The following SLC5A10 variants were observed in gnomAD, a reference collection of about 807,000 sequenced individuals.
The protein encoded by SLC5A10 is solute carrier family 5 member 10, also known as sodium/mannose cotransporter SLC5A10.
Under a neutral mutation model 68.9 loss-of-function variants are expected in SLC5A10, and 55 were observed. That is an observed-to-expected ratio of 0.80 (90% CI 0.64 to 1.00). The LOEUF (loss-of-function observed/expected upper bound fraction) is 1.00, where lower values mean the gene tolerates loss of function less well. Among genes scored for constraint, SLC5A10 ranks in the 50% least tolerant of loss-of-function variants. SLC5A10 has a pLI of 0.00. For missense variants in SLC5A10, 732 were observed against 819.3 expected, an observed-to-expected ratio of 0.89 and a Z score of 1.30; for synonymous variants, 344 against 344.8, an observed-to-expected ratio of 1.00 and a Z score of 0.02.
chr17:18,973,807 C>G (rs573069302), intron 8 of SLC5A10, among the ~76,000 whole-genome samples: 3 of 152,166 alleles, frequency 2.0e-5, no homozygotes, highest in Non-Finnish European at 2.9e-5. Flanking sequence ...AAGTGATTCT[C>G]CTGTCTCAGC....
chr17:18,982,531 C>G (rs1351828679), intron 9 of SLC5A10, among the ~76,000 whole-genome samples: 2 of 152,242 alleles, frequency 1.3e-5, no homozygotes, highest in African/African-American at 2.4e-5. Flanking sequence ...TTTGGACCCT[C>G]TGGGACCTCA....
rs750243887 is a variant in SLC5A10, at chr17:19,020,159, A to G, written c.1631A>G (p.Glu544Gly). 1 of 1,361,182 alleles carries G rather than the reference A, an allele frequency of 7.3e-7. No homozygotes were observed. Among genetic ancestry groups the G allele is most frequent in the Non-Finnish European group, 9.7e-7 (1 of 1,027,342 alleles). 84.3% of individuals were successfully genotyped at this position (1,361,182 alleles called of 1,614,324 possible). A position where few individuals can be genotyped will look rare whatever the true frequency, so the allele number is the denominator to read the frequency against. ...ATCCTCACTCATTTCTTACAGATTGAGAACCTTACCTGGTGGACCCTGGCT... is the reference window on the plus strand; with the variant it reads ...ATCCTCACTCATTTCTTACAGATTGGGAACCTTACCTGGTGGACCCTGGCT... ...LTPPPQSVQI[E>G]NLTWWTLAQD... is the part of the protein sequence containing the mutation. Residue 544 changes from glutamate to glycine, a missense_variant, in exon 14 of 15, where the codon GAG becomes GGG. Transcript: ENST00000395645.
intron 5 of SLC5A10, among the ~76,000 whole-genome samples, chr17:18,961,528 C>A (rs979456731): frequency 2.6e-5 from 4 of 152,164 alleles, no homozygotes; most frequent in African/African-American, 9.7e-5. Flanking sequence ...GCTGTGTCTG[C>A]GGGAAGTGCT....
Position 18,968,809 on chromosome 17 carries a change from A to C in SLC5A10, c.454-243A>C. 1.9e-6 allele frequency: 1 copy of C among 523,542 alleles called. No homozygotes were observed. Among genetic ancestry groups the C allele is most frequent in the Non-Finnish European group, 3.4e-6 (1 of 295,720 alleles). The allele number at this position is 523,542 out of a possible 1,614,324, so 32.4% of individuals were successfully genotyped here. A position where few individuals can be genotyped will look rare whatever the true frequency, so the allele number is the denominator to read the frequency against. On this transcript the variant is annotated intron_variant, in intron 5 of 14. Coordinates refer to ENST00000395645, the MANE Select transcript of SLC5A10 (RefSeq NM_001042450.4). This position sits in a 1 kb window ranked among gnomAD's most constrained non-coding sequence, Gnocchi z 4.1. Reference sequence around the variant, plus strand: ...ACTGCTTTTGGGAAAGGCATTGGCCACTTTGGACTTTATTAGCAACAGTAA... The same window carrying C: ...ACTGCTTTTGGGAAAGGCATTGGCCCCTTTGGACTTTATTAGCAACAGTAA...
chr17:18,971,850 G>A lies in SLC5A10; in HGVS notation c.846+632G>A, dbSNP rs1452267163. On this transcript the variant is annotated intron_variant, in intron 8 of 14. Transcript: ENST00000395645. This position sits in a 1 kb window ranked among gnomAD's most constrained non-coding sequence, Gnocchi z 5.5. Reference sequence around the variant, plus strand: ...CACAGGAGCCGGCAGGCCCGGGTTCGCCTCCTGGCTCTGCCATTCACCAGG... The same window carrying A: ...CACAGGAGCCGGCAGGCCCGGGTTCACCTCCTGGCTCTGCCATTCACCAGG... 26 of 1,319,036 alleles carry A rather than the reference G, an allele frequency of 2.0e-5. No individual in the cohort carries two copies. The highest frequency in any genetic ancestry group is 5.9e-5 in the African/African-American group (4 of 67,442). The allele number at this position is 1,319,036 out of a possible 1,614,324, so 81.7% of individuals were successfully genotyped here. A position where few individuals can be genotyped will look rare whatever the true frequency, so the allele number is the denominator to read the frequency against.
chr17:18,966,841 C>T (rs924804257), intron 5 of SLC5A10, among the ~76,000 whole-genome samples: 22 of 151,984 alleles, frequency 1.4e-4, no homozygotes, highest in Middle Eastern at 3.5e-3. Flanking sequence ...GACAGTCCCA[C>T]GGAGCATCCC....
Position 19,022,192 on chromosome 17 carries a change from AC to A in SLC5A10, c.*1764del. On this transcript the variant is annotated 3_prime_UTR_variant, in exon 15 of 15. Transcript: ENST00000395645. ...GTAGGGTGCCTTCAGAAGCCCTGCAACCCACCCTCCCTCAGAGGCACCCAAG... is the reference window on the plus strand; with the variant it reads ...GTAGGGTGCCTTCAGAAGCCCTGCAACCACCCTCCCTCAGAGGCACCCAAG... 8.9e-7 allele frequency: 1 copy of A among 1,117,884 alleles called. No homozygotes were observed. Among genetic ancestry groups the A allele is most frequent in the Non-Finnish European group, 1.2e-6 (1 of 819,514 alleles). 69.2% of individuals were successfully genotyped at this position (1,117,884 alleles called of 1,614,324 possible).
rs201402801 is a variant in SLC5A10, at chr17:18,959,679, G to T, written c.348+16G>T. The T allele has an allele frequency of 2.5e-6, 4 of 1,613,682 alleles. No homozygotes were observed. Among genetic ancestry groups the T allele is most frequent in the Non-Finnish European group, 3.4e-6 (4 of 1,179,776 alleles). On this transcript the variant is annotated intron_variant, in intron 4 of 14. Coordinates refer to ENST00000395645, the MANE Select transcript of SLC5A10 (RefSeq NM_001042450.4). ...CTCCTCAGAGGTGAGTCTACTCATG[G>T]GGCCTCCAGCTGGGGGGCTGGGCCT...
At chr17:18,977,424 G>A (rs1383140505) in intron 9 of SLC5A10, 1 of 743,128 alleles carries the variant, frequency 1.3e-6, no homozygotes, top group South Asian at 1.9e-5. Context: ...GCCCTGGCCG[G>A]TTCCCACCCC....
intron 9 of SLC5A10, among the ~76,000 whole-genome samples, chr17:18,991,129 G>A (rs948645185): frequency 2.0e-5 from 3 of 152,202 alleles, no homozygotes; most frequent in African/African-American, 4.8e-5. Context: ...AGAGGCATTC[G>A]CCACCTTGCC....
Position 19,018,293 on chromosome 17 carries a change from A to T in SLC5A10, c.1242-1130A>T, listed in dbSNP as rs1324445015. 1.3e-5 allele frequency: 2 copies of T among 152,352 alleles called. No individual in the cohort carries two copies. The highest frequency in any genetic ancestry group is 2.9e-5 in the Non-Finnish European group (2 of 68,132). The allele number at this position is 152,352 out of a possible 1,614,324, so 9.4% of individuals were successfully genotyped here. ...AGGAATGCCAACTGACCCAGGACACAGGGGTGAGGTGCTCAGCCAGGGAGG... is the reference window on the plus strand; with the variant it reads ...AGGAATGCCAACTGACCCAGGACACTGGGGTGAGGTGCTCAGCCAGGGAGG... On this transcript the variant is annotated intron_variant, in intron 11 of 14. Transcript: ENST00000395645. The surrounding 1 kb of genome is among the most constrained non-coding windows in gnomAD (Gnocchi z 4.2).
chr17:18,966,867 G>A (rs1049532903), intron 5 of SLC5A10, among the ~76,000 whole-genome samples: 13 of 152,316 alleles, frequency 8.5e-5, no homozygotes, highest in African/African-American at 3.1e-4. Flanking sequence ...AGGGTGAGGG[G>A]GTAGAGGGGC....
At chr17:18,974,169 G>T (rs998311861) in intron 8 of SLC5A10, among the ~76,000 whole-genome samples, 3 of 152,064 alleles carry the variant, frequency 2.0e-5, no homozygotes, top group African/African-American at 7.2e-5. Context: ...GGGATTACAG[G>T]CATGAGCCAC....
rs2152167996 is a variant in SLC5A10, at chr17:19,021,766, C to CT, written c.*1336dup. 2.2e-6 allele frequency: 1 copy of CT among 460,416 alleles called. No individual in the cohort carries two copies. Among genetic ancestry groups the CT allele is most frequent in the South Asian group, 7.9e-5 (1 of 12,598 alleles). 28.5% of individuals were successfully genotyped at this position (460,416 alleles called of 1,614,324 possible). A position where few individuals can be genotyped will look rare whatever the true frequency, so the allele number is the denominator to read the frequency against. On this transcript the variant is annotated 3_prime_UTR_variant, in exon 15 of 15. Transcript: ENST00000395645. The surrounding 1 kb of genome is among the most constrained non-coding windows in gnomAD (Gnocchi z 4.1). ...CCAGGAAGCCCCGGAGCTACCCTTG[C>CT]TGGGTACCCTTGCTGGGGGACCTGG...
chr17:18,957,806 A>G (rs1463337156), intron 1 of SLC5A10, among the ~76,000 whole-genome samples: 1 of 152,166 alleles, frequency 6.6e-6, no homozygotes, highest in African/African-American at 2.4e-5. Flanking sequence ...CATTTAGTAC[A>G]TTTGCAATGC....
chr17:18,955,321 T>A (rs1421618993), intron 1 of SLC5A10, among the ~76,000 whole-genome samples: 1 of 152,198 alleles, frequency 6.6e-6, no homozygotes, highest in Non-Finnish European at 1.5e-5. Context: ...AAATCCAGGC[T>A]GCACCACTTG....
chr17:18,975,417 C>T lies in SLC5A10; in HGVS notation c.847-1437C>T, dbSNP rs111653832. Among the ~76,000 whole-genome samples the T allele has an allele frequency of 4.3e-3, 661 of 152,290 alleles. 3 individuals are homozygous for T. The highest frequency in any genetic ancestry group is 0.015 in the African/African-American group (629 of 41,570). The stretch of plus-strand genomic sequence containing the variant: ...TTAAAATCACGGAGGCAGCCGGATG[C>T]GGTGGCTCACACCTGTAATCCCAGC... On this transcript the variant is annotated intron_variant, in intron 8 of 14. Transcript: ENST00000395645.
chr17:18,974,613 G>A (rs1232375591), intron 8 of SLC5A10, among the ~76,000 whole-genome samples: 4 of 152,214 alleles, frequency 2.6e-5, no homozygotes, highest in African/African-American at 7.2e-5. Context: ...CACAGCTTTC[G>A]TGGGCAGCGT....
intron 11 of SLC5A10, 41 bp from the exon 12 acceptor site, chr17:19,019,373 GCTGAAGAGC>G: frequency 6.3e-7 from 1 of 1,575,986 alleles, no homozygotes; most frequent in Non-Finnish European, 8.6e-7. Flanking sequence ...GTGGGAGAGA[GCTGAAGAGC>G]CTCCCACGAC....
Sources: gnomAD v4.1 joint callset for allele counts (sites outside exome capture counted in the v4.1 genomes callset) on GRCh38, gnomAD v4.1.1 for gene constraint, Gnocchi (gnomAD v3.1) non-coding constraint, MANE v1.5 for transcripts, NCBI Gene and HGNC (gene_info 2026-07-23, HGNC 2026-07-21) for gene names.